Variants in CST11 observed in about 807,000 individuals in gnomAD.
The protein encoded by CST11 is cystatin-11.
CST11 carries 13 observed loss-of-function variants against 14.0 expected under a neutral mutation model. That is an observed-to-expected ratio of 0.93 (90% CI 0.60 to 1.47). The LOEUF (loss-of-function observed/expected upper bound fraction) is 1.47, where lower values mean the gene tolerates loss of function less well. Ranked by LOEUF, CST11 falls within the 40% of genes most tolerant of loss-of-function variation. The probability of loss-of-function intolerance (pLI) is 0.00; values close to 1 mark genes in which losing one functional copy is unlikely to be tolerated. For missense variants in CST11, 181 were observed against 160.0 expected (o/e 1.13, Z -0.71); for synonymous variants, 64 against 57.8 (o/e 1.11, Z -0.48).
At position 23,450,468 on chromosome 20, in the gene CST11, C is replaced by G; in HGVS notation, c.*38G>C. 7.3e-7 allele frequency: 1 copy of G among 1,376,142 alleles called. No homozygotes were observed. The highest frequency in any genetic ancestry group is 1.0e-6 in the Non-Finnish European group (1 of 987,016). 85.2% of individuals were successfully genotyped at this position (1,376,142 alleles called of 1,614,324 possible). A position where few individuals can be genotyped will look rare whatever the true frequency, so the allele number is the denominator to read the frequency against. On this transcript the variant is annotated 3_prime_UTR_variant, in exon 3 of 3. Transcript: ENST00000377009. ...GGATTATTGCCCATTGCAGGATTCT[C>G]TCACATGCAGTGGCCGCAGTTGTAC...
chr20:23,452,784 G>C lies in CST11; in HGVS notation c.28C>G (p.Gln10Glu), dbSNP rs1310834452. The part of the protein sequence containing the change: MMAEPWQAL[Q>E]LLLAILLTLM... ...GTCAATAGAATGGCCAACAGGAGCT[G>C]TAGGGCCTGCCAGGGCTCAGCCATC... Residue 10 changes from glutamine to glutamate, a missense_variant, in exon 1 of 3, where the codon CAG becomes GAG. Coordinates refer to ENST00000377009, the MANE Select transcript of CST11 (RefSeq NM_130794.2). 7.4e-6 allele frequency: 12 copies of C among 1,614,042 alleles called. No individual in the cohort carries two copies. Among genetic ancestry groups the C allele is most frequent in the Non-Finnish European group, 1.0e-5 (12 of 1,179,918 alleles).
intron 2 of CST11, 36 bp from the exon 3 acceptor site, chr20:23,450,625 G>A (rs748887771): frequency 4.4e-5 from 67 of 1,527,140 alleles, no homozygotes; most frequent in Middle Eastern, 1.9e-4. Context: ...TTTAAAAGAC[G>A]CCAGGTGAAA....
At position 23,452,629 on chromosome 20, in the gene CST11, G is replaced by T. The variant is rs1018547847; in HGVS notation, c.183C>A (p.Asp61Glu). Residue 61 changes from aspartate (D) to glutamate (E), a missense_variant, in exon 1 of 3, where the codon GAC (aspartate) becomes GAA (glutamate). By Grantham distance (45) the Asp-to-Glu change is conservative (BLOSUM62 2). Coordinates refer to ENST00000377009, the MANE Select transcript of CST11 (RefSeq NM_130794.2). ...ITDQYNKESD[D>E]KYHFRIFRVL... The stretch of plus-strand genomic sequence containing the variant: ...CTCGGAAGATCCTGAAGTGGTACTT[G>T]TCATCACTTTCCTTGTTATACTGGT... The T allele has an allele frequency of 1.9e-6, 3 of 1,613,808 alleles. No individual in the cohort carries two copies. Among genetic ancestry groups the T allele is most frequent in the African/African-American group, 1.3e-5 (1 of 74,906 alleles).
chr20:23,452,242 C>T (rs1254966981), intron 1 of CST11, among the ~76,000 whole-genome samples: 1 of 152,120 alleles, frequency 6.6e-6, no homozygotes, highest in Admixed American at 6.5e-5. Flanking sequence ...TTTTATTGGC[C>T]ATGTGGTCTC....
intron 1 of CST11, 115 bp from the exon 2 acceptor site, chr20:23,452,035 G>A (rs556443941): frequency 4.4e-5 from 29 of 659,576 alleles, no homozygotes; most frequent in South Asian, 9.2e-5. Context: ...GGTCCTAGGC[G>A]GATTAGCGGG....
chr20:23,452,875 C>A lies in CST11; in HGVS notation c.-64G>T. 1 of 1,269,620 alleles carries A rather than the reference C, an allele frequency of 7.9e-7. No individual in the cohort carries two copies. The highest frequency in any genetic ancestry group is 1.3e-5 in the South Asian group (1 of 75,812). The allele number at this position is 1,269,620 out of a possible 1,614,324, so 78.6% of individuals were successfully genotyped here. ...CTCCTCAGGGACAAGTCGAATCACA[C>A]TGACCCTACCTGCCCTGGCAGGATT... is the stretch of plus-strand genomic sequence containing the variant. On this transcript the variant is annotated 5_prime_UTR_variant, in exon 1 of 3. Coordinates refer to ENST00000377009, the MANE Select transcript of CST11 (RefSeq NM_130794.2).
chr20:23,451,904 T>G lies in CST11; in HGVS notation c.245A>C (p.Glu82Ala), dbSNP rs148274683. Reference sequence around the variant, plus strand: ...CTGCATTTCCACATTCAGGTGATACTCCAGGTGGTCAGTGACCTGTGGGCG... The same window carrying G: ...CTGCATTTCCACATTCAGGTGATACGCCAGGTGGTCAGTGACCTGTGGGCG... ...KVQRQVTDHL[E>A]YHLNVEMQWT... The change falls in exon 2 of 3, where the codon GAG becomes GCG. Residue 82 changes from glutamate to alanine, a missense_variant. Glu to Ala is a moderately radical substitution (Grantham distance 107, BLOSUM62 -1). Coordinates refer to ENST00000377009, the MANE Select transcript of CST11 (RefSeq NM_130794.2). 1.0e-4 allele frequency: 167 copies of G among 1,613,836 alleles called. 1 individual carries two copies. The East Asian group carries it at 3.5e-3, about 34-fold the overall frequency.
intron 2 of CST11, among the ~76,000 whole-genome samples, chr20:23,451,615 A>G (rs1185815045): frequency 6.7e-6 from 1 of 150,242 alleles, no homozygotes; most frequent in Non-Finnish European, 1.5e-5. Flanking sequence ...GCCTCCTCAC[A>G]CTCCTTCCAG....
At chr20:23,451,782 C>T in intron 2 of CST11, 34 bp downstream of exon 2, 1 of 1,502,148 alleles carries the variant, frequency 6.7e-7, no homozygotes, top group Non-Finnish European at 9.2e-7. Context: ...CTGAAAAGGA[C>T]TTCTGTCTAC....
chr20:23,452,555 TGG>T, intron 1 of CST11, 27 bp downstream of exon 1: 1 of 1,439,644 alleles, frequency 6.9e-7, no homozygotes. Context: ...GTATCAGGCC[TGG>T]GGAGAGGCGG....
At chr20:23,451,378 T>C (rs1987083918) in intron 2 of CST11, among the ~76,000 whole-genome samples, 1 of 152,150 alleles carries the variant, frequency 6.6e-6, no homozygotes, top group Non-Finnish European at 1.5e-5. Context: ...TCTGAACTTG[T>C]TTCCTCACCT....
At chr20:23,452,051 C>T in intron 1 of CST11, 131 bp from the exon 2 acceptor site, 1 of 612,934 alleles carries the variant, frequency 1.6e-6, no homozygotes, top group Non-Finnish European at 2.9e-6. Flanking sequence ...GCGGGCTCCT[C>T]TCTCCTCTAT....
At position 23,451,824 on chromosome 20, in the gene CST11, G is replaced by A; in HGVS notation, c.325C>T (p.Leu109Phe). Residue 109 changes from leucine (L) to phenylalanine (F), a missense_variant, in exon 2 of 3, where the codon CTT becomes TTT. By Grantham distance (22) the Leu-to-Phe change is conservative (BLOSUM62 0). Coordinates refer to ENST00000377009, the MANE Select transcript of CST11 (RefSeq NM_130794.2). ...TTNCVPQERE[L>F]HKQVNCFFSV... ...GTGCTTTTACCCAATACCTTGTGAA[G>A]CTCCCTTTCCTGGGGGACACAGTTC... The A allele has an allele frequency of 6.2e-7, 1 of 1,613,468 alleles. No individual in the cohort carries two copies. The highest frequency in any genetic ancestry group is 1.7e-4 in the Middle Eastern group (1 of 6,060).
At chr20:23,452,558 G>C in intron 1 of CST11, 26 bp downstream of exon 1, 1 of 1,445,218 alleles carries the variant, frequency 6.9e-7, no homozygotes. Flanking sequence ...TCAGGCCTGG[G>C]GAGAGGCGGG....
chr20:23,452,505 G>C, intron 1 of CST11, 79 bp downstream of exon 1: 4 of 870,598 alleles, frequency 4.6e-6, no homozygotes, highest in Non-Finnish European at 7.9e-6. Flanking sequence ...TTTCCCTTGA[G>C]TGGGACTATT....
At chr20:23,452,219 T>C (rs570314655) in intron 1 of CST11, among the ~76,000 whole-genome samples, 2 of 152,364 alleles carry the variant, frequency 1.3e-5, no homozygotes, top group African/African-American at 4.8e-5. Flanking sequence ...GGCTACATAG[T>C]AAACATCTTA....
At chr20:23,452,028 C>A in intron 1 of CST11, 108 bp from the exon 2 acceptor site, 2 of 725,244 alleles carry the variant, frequency 2.8e-6, no homozygotes. Flanking sequence ...AGGAGCTGGT[C>A]CTAGGCGGAT....
intron 2 of CST11, 24 bp from the exon 3 acceptor site, chr20:23,450,613 A>C: frequency 6.3e-7 from 1 of 1,577,370 alleles, no homozygotes; most frequent in Non-Finnish European, 8.7e-7. Context: ...CAAAGGCAAT[A>C]TTTTAAAAGA....
At chr20:23,451,531 A>C (rs1278070002) in intron 2 of CST11, among the ~76,000 whole-genome samples, 1 of 152,040 alleles carries the variant, frequency 6.6e-6, no homozygotes, top group Non-Finnish European at 1.5e-5. Context: ...AATATTAGGA[A>C]TTGTCTGCTT....
Sources: allele counts gnomAD v4.1 joint callset (sites outside exome capture counted in the v4.1 genomes callset), GRCh38; gene constraint gnomAD v4.1.1; transcripts MANE v1.5; gene names NCBI Gene and HGNC (gene_info 2026-07-23, HGNC 2026-07-21).